Variants in DOCK4 observed in about 807,000 individuals in gnomAD.
DOCK4 encodes the protein dedicator of cytokinesis 4.
Under a neutral mutation model 268.1 loss-of-function variants are expected in DOCK4, and 97 were observed. That is an observed-to-expected ratio of 0.36 (90% CI 0.31 to 0.43). DOCK4 has a LOEUF of 0.43. Ranked by LOEUF, DOCK4 falls within the 20% of genes least tolerant of loss-of-function variation. The pLI, the probability that DOCK4 is intolerant of heterozygous loss-of-function variation, is 1.00. For synonymous variants in DOCK4, 954 were observed against 887.2 expected (o/e 1.08, Z -1.34); for missense variants, 2,145 against 2,455.7 (o/e 0.87, Z 2.67).
At chr7:111,976,221 T>C (rs1274780362) in intron 8 of DOCK4, among the ~76,000 whole-genome samples, 2 of 100,546 alleles carry the variant, frequency 2.0e-5, no homozygotes, top group Admixed American at 9.7e-5. Flanking sequence ...TGTGTGTGTG[T>C]GCGTGTGTGT....
rs186677743 is a variant in DOCK4 at position 111,763,015 on chromosome 7, G to T, written c.4020+2103C>A. Reference sequence around the variant, plus strand: ...ACTCCTGGGCTCAAGTGATCCTCTGGCCTTGGCCTCCCAAAGTGCTGCAAT... The same window carrying T: ...ACTCCTGGGCTCAAGTGATCCTCTGTCCTTGGCCTCCCAAAGTGCTGCAAT... On this transcript the variant is annotated intron_variant, in intron 39 of 52. Coordinates refer to ENST00000428084, the MANE Select transcript of DOCK4 (RefSeq NM_001363540.2). Among the ~76,000 whole-genome samples the T allele has an allele frequency of 5.7e-3, 868 of 151,798 alleles. 8 individuals are homozygous for T. The highest frequency in any genetic ancestry group is 0.02 in the African/African-American group (846 of 41,412).
chr7:111,894,039 C>T (rs535101158), intron 16 of DOCK4, among the ~76,000 whole-genome samples: 5 of 152,082 alleles, frequency 3.3e-5, no homozygotes, highest in South Asian at 2.1e-4. Context: ...CTGGCTGACA[C>T]GGTGAAACCC....
chr7:112,068,525 G>T (rs551496170), intron 1 of DOCK4, among the ~76,000 whole-genome samples: 2 of 152,320 alleles, frequency 1.3e-5, no homozygotes, highest in East Asian at 3.9e-4. Context: ...AACTTATGGT[G>T]AGAATTAGAC....
At position 112,181,639 on chromosome 7, in the gene DOCK4, C is replaced by CAAAAAAAAAAAAAAAA. The variant is rs55807955; in HGVS notation, c.37+24447_37+24462dup. Among the ~76,000 whole-genome samples, 35 of 65,378 alleles carry CAAAAAAAAAAAAAAAA rather than the reference C, an allele frequency of 5.4e-4. 1 individual carries two copies. The highest frequency in any genetic ancestry group is 2.2e-3 in the African/African-American group (33 of 14,722). 42.9% of individuals were successfully genotyped at this position (65,378 alleles called of 152,430 possible). ...TGAGCAACAGAGTAAGACACTGTCT[C>CAAAAAAAAAAAAAAAA]AAAAAAAAAAAAAAAAAAAAGCTTG... On this transcript the variant is annotated intron_variant, in intron 1 of 52. Transcript: ENST00000428084.
At chr7:112,068,121 TGTTTGTTTACTTGCTACTGGGGA>T (rs1258268189) in intron 1 of DOCK4, among the ~76,000 whole-genome samples, 2 of 152,194 alleles carry the variant, frequency 1.3e-5, no homozygotes, top group Non-Finnish European at 2.9e-5. Context: ...CTGCTGTTCT[TGTTTGTTTACTTGCTACTGGGGA>T]GTTTGCAAAG....
chr7:111,907,969 C>G (rs191071754), intron 13 of DOCK4, among the ~76,000 whole-genome samples: 14 of 152,224 alleles, frequency 9.2e-5, no homozygotes, highest in African/African-American at 3.4e-4. Context: ...GTCAAGCAAT[C>G]CACCATCCTT....
At chr7:111,763,377 C>T (rs1035094735) in intron 39 of DOCK4, among the ~76,000 whole-genome samples, 1 of 152,144 alleles carries the variant, frequency 6.6e-6, no homozygotes, top group African/African-American at 2.4e-5. Flanking sequence ...TAGAAACCAA[C>T]AGAGGGGGAC....
intron 1 of DOCK4, among the ~76,000 whole-genome samples, chr7:112,193,013 C>T (rs1344633189): frequency 6.6e-6 from 1 of 152,112 alleles, no homozygotes; most frequent in African/African-American, 2.4e-5. Context: ...ACAGCCAGGA[C>T]TTTCAAAAAC....
At chr7:112,150,427 C>T (rs1355039188) in intron 1 of DOCK4, among the ~76,000 whole-genome samples, 1 of 152,144 alleles carries the variant, frequency 6.6e-6, no homozygotes, top group South Asian at 2.1e-4. Flanking sequence ...CTCATTCTGT[C>T]TATGCCCCTC....
At chr7:112,111,215 T>A (rs952366549) in intron 1 of DOCK4, among the ~76,000 whole-genome samples, 1 of 151,704 alleles carries the variant, frequency 6.6e-6, no homozygotes, top group East Asian at 1.9e-4. Flanking sequence ...CCAGGAGGGG[T>A]TGTGAGGACT....
At chr7:111,870,570 C>T (rs1240700828) in intron 20 of DOCK4, among the ~76,000 whole-genome samples, 3 of 152,084 alleles carry the variant, frequency 2.0e-5, no homozygotes, top group African/African-American at 4.8e-5. Flanking sequence ...GATCTGTCCA[C>T]CTTGGCCTCC....
At chr7:111,763,067 TA>T (rs1416520749) in intron 39 of DOCK4, among the ~76,000 whole-genome samples, 1 of 151,812 alleles carries the variant, frequency 6.6e-6, no homozygotes, top group Non-Finnish European at 1.5e-5. Context: ...CGTGCCCAGC[TA>T]AATAACCCGT....
At chr7:111,743,264 C>T (rs1277893291) in intron 44 of DOCK4, among the ~76,000 whole-genome samples, 1 of 152,152 alleles carries the variant, frequency 6.6e-6, no homozygotes, top group African/African-American at 2.4e-5. Flanking sequence ...GAAAACGAAT[C>T]CTATATCACC....
chr7:111,780,167 T>C (rs952571131), intron 35 of DOCK4, among the ~76,000 whole-genome samples: 7 of 152,248 alleles, frequency 4.6e-5, no homozygotes, highest in Non-Finnish European at 8.8e-5. Flanking sequence ...CTATCAAATG[T>C]ACTTTCCGCC....
At chr7:111,873,176 T>C (rs931165031) in intron 17 of DOCK4, among the ~76,000 whole-genome samples, 1 of 152,224 alleles carries the variant, frequency 6.6e-6, no homozygotes, top group Non-Finnish European at 1.5e-5. Flanking sequence ...CCACAGGCCA[T>C]CTTTCATCCC....
intron 1 of DOCK4, among the ~76,000 whole-genome samples, chr7:112,055,737 G>T (rs368049766): frequency 6.6e-6 from 1 of 151,860 alleles, no homozygotes; most frequent in East Asian, 1.9e-4. Context: ...GTGAAACCCC[G>T]TCTCTACTAA....
At chr7:111,874,750 T>G (rs1806703273) in intron 17 of DOCK4, among the ~76,000 whole-genome samples, 1 of 152,196 alleles carries the variant, frequency 6.6e-6, no homozygotes, top group Admixed American at 6.5e-5. Context: ...CCTAATCCTC[T>G]GAACCTTAAA....
chr7:111,864,960 A>G (rs1805851834), intron 22 of DOCK4, among the ~76,000 whole-genome samples: 1 of 152,256 alleles, frequency 6.6e-6, no homozygotes. Flanking sequence ...TACACATATA[A>G]TAGGATGATT....
At chr7:111,882,724 T>C (rs1807503972) in intron 16 of DOCK4, among the ~76,000 whole-genome samples, 1 of 152,112 alleles carries the variant, frequency 6.6e-6, no homozygotes. Flanking sequence ...GCAATTCTCC[T>C]GCCTCAGCCT....
Sources: gnomAD v4.1 joint callset for allele counts (sites outside exome capture counted in the v4.1 genomes callset) on GRCh38, gnomAD v4.1.1 for gene constraint, MANE v1.5 for transcripts, NCBI Gene and HGNC (gene_info 2026-07-23, HGNC 2026-07-21) for gene names.